WDR44: variants seen among roughly 807,000 people sequenced by gnomAD.
The protein encoded by WDR44 is WD repeat domain 44.
WDR44 carries 9 observed loss-of-function variants against 65.7 expected under a neutral mutation model. That is an observed-to-expected ratio of 0.14 (90% CI 0.08 to 0.24). The LOEUF (loss-of-function observed/expected upper bound fraction) is 0.24. WDR44 is among the 10% of genes least tolerant of loss of function. The pLI is 1.00. For missense variants in WDR44, 425 were observed against 670.9 expected, an observed-to-expected ratio of 0.63 and a Z score of 4.05; for synonymous variants, 220 against 235.2, an observed-to-expected ratio of 0.94 and a Z score of 0.59.
chrX:118,355,941 G>T (rs1197508249), intron 1 of WDR44, among the ~76,000 whole-genome samples: 1 of 111,886 alleles, frequency 8.9e-6, no homozygotes, highest in Non-Finnish European at 1.9e-5. Flanking sequence ...AATATTAAAT[G>T]TTAACAGTAA....
intron 1 of WDR44, among the ~76,000 whole-genome samples, chrX:118,362,797 T>C (rs990675780): frequency 6.5e-5 from 7 of 107,843 alleles, no homozygotes; most frequent in African/African-American, 2.4e-4. Context: ...GTAGAGTTGC[T>C]GGATAAAGTA....
At chrX:118,367,365 G>A (rs1168869089) in intron 1 of WDR44, among the ~76,000 whole-genome samples, 1 of 111,498 alleles carries the variant, frequency 9.0e-6, no homozygotes, top group African/African-American at 3.3e-5. Flanking sequence ...TTGTGTGTGT[G>A]TAGCTAAAAT....
At chrX:118,413,381 T>C (rs12841194) in intron 12 of WDR44, among the ~76,000 whole-genome samples, 14,629 of 111,861 alleles carry the variant, frequency 0.13, 792 homozygotes, top group Admixed American at 0.26. Flanking sequence ...TTATGGCCAT[T>C]CTTGCAGGAG....
At chrX:118,419,957 G>A (rs756325322) in intron 12 of WDR44, among the ~76,000 whole-genome samples, 5 of 111,168 alleles carry the variant, frequency 4.5e-5, no homozygotes, top group East Asian at 2.8e-4. Flanking sequence ...ACATCTACAC[G>A]TTACCTTTTT....
intron 14 of WDR44, among the ~76,000 whole-genome samples, chrX:118,440,053 G>A (rs2057290950): frequency 9.5e-6 from 1 of 104,718 alleles, no homozygotes; most frequent in Admixed American, 1.0e-4. Flanking sequence ...CCAGGAGGTC[G>A]AGGCTGCAGT....
rs769251340 is a variant in WDR44 at position 118,387,411 on chromosome X, A to G, written c.183A>G (p.Lys61=). The part of the protein sequence containing the change: ...PVQELKQDVS[K]KIIESIIEES... ...AAGAATTGAAACAAGATGTGTCTAA[A>G]AAGGTTGGAAAGATACAATGTCAAT... is the stretch of plus-strand genomic sequence containing the variant. Residue 61 remains lysine (K), a synonymous_variant, in exon 3 of 20, where the codon AAA becomes AAG. Coordinates refer to ENST00000254029, the MANE Select transcript of WDR44 (RefSeq NM_019045.5). 1 of 1,169,336 alleles carries G rather than the reference A, an allele frequency of 8.6e-7. No individual in the cohort carries two copies. Among genetic ancestry groups the G allele is most frequent in the East Asian group, 3.0e-5 (1 of 33,118 alleles).
rs190891208 is a variant in WDR44, at chrX:118,444,045, A to T, written c.2513-315A>T. Among the ~76,000 whole-genome samples the T allele has an allele frequency of 8.5e-3, 818 of 96,072 alleles. 10 individuals carry two copies. The highest frequency in any genetic ancestry group is 0.033 in the African/African-American group (780 of 23,884). 83.4% of individuals were successfully genotyped at this position (96,072 alleles called of 115,157 possible). A position where few individuals can be genotyped will look rare whatever the true frequency, so the allele number is the denominator to read the frequency against. The stretch of plus-strand genomic sequence containing the variant: ...TGGGCAATAGAGTGAGATTCCGTCT[A>T]AAAAAAAGACAAAAAAAAAGAAGAA... On this transcript the variant is annotated intron_variant, in intron 18 of 19. Coordinates refer to ENST00000254029, the MANE Select transcript of WDR44 (RefSeq NM_019045.5).
At chrX:118,378,824 A>G (rs1314337597) in intron 2 of WDR44, among the ~76,000 whole-genome samples, 1 of 105,214 alleles carries the variant, frequency 9.5e-6, no homozygotes, top group Non-Finnish European at 1.9e-5. Context: ...AGTTGAGGTC[A>G]GGAGTTTGAC....
intron 3 of WDR44, among the ~76,000 whole-genome samples, chrX:118,391,878 C>G (rs2056823750): frequency 9.0e-6 from 1 of 111,315 alleles, no homozygotes; most frequent in South Asian, 3.8e-4. Flanking sequence ...TTTAGGGAGG[C>G]TGAGGCAGGA....
intron 1 of WDR44, among the ~76,000 whole-genome samples, chrX:118,367,447 G>C (rs1327824751): frequency 9.0e-6 from 1 of 111,379 alleles, no homozygotes; most frequent in Admixed American, 9.6e-5. Flanking sequence ...CTTTCCCTGA[G>C]AAATTTGTGG....
At chrX:118,382,804 C>A (rs1050968191) in intron 2 of WDR44, among the ~76,000 whole-genome samples, 4 of 111,971 alleles carry the variant, frequency 3.6e-5, no homozygotes, top group African/African-American at 1.3e-4. Flanking sequence ...TTTAAGGAAG[C>A]AAATTTTTGA....
intron 1 of WDR44, among the ~76,000 whole-genome samples, chrX:118,363,743 A>G (rs970079387): frequency 2.7e-5 from 3 of 112,339 alleles, no homozygotes; most frequent in Non-Finnish European, 5.6e-5. Context: ...AAATTAGCCT[A>G]TGTGCAAAAT....
intron 1 of WDR44, among the ~76,000 whole-genome samples, chrX:118,352,318 T>TTATATATATATATATATATATATATATA (rs1234642278): frequency 5.9e-5 from 1 of 16,870 alleles, no homozygotes; most frequent in Admixed American, 1.2e-3. Context: ...CCCAGCTAAT[T>TTATATATATATATATATATATATATATA]TATATATATA....
At chrX:118,393,351 G>C in intron 4 of WDR44, 80 bp downstream of exon 4, 9 of 1,061,041 alleles carry the variant, frequency 8.5e-6, no homozygotes, top group Non-Finnish European at 1.0e-5. Context: ...GGGAGGCCAA[G>C]GCGGGCGGAT....
intron 1 of WDR44, among the ~76,000 whole-genome samples, chrX:118,347,365 G>C (rs1330534250): frequency 5.4e-5 from 6 of 111,835 alleles, no homozygotes; most frequent in Non-Finnish European, 1.1e-4. Flanking sequence ...TTTTAGTGGT[G>C]ATTAATATGG....
chrX:118,446,934 A>G (rs1419072234), intron 19 of WDR44: 1 of 226,157 alleles, frequency 4.4e-6, no homozygotes, highest in Non-Finnish European at 8.4e-6. Context: ...CAGTGGTACA[A>G]TCATAGCTCA....
chrX:118,397,136 C>A (rs5956969), intron 7 of WDR44, 30 bp downstream of exon 7: 297,339 of 1,112,527 alleles, frequency 0.27, 39,463 homozygotes, highest in African/African-American at 0.87. Flanking sequence ...TTTGTCATTT[C>A]TAGTATTTCA....
intron 1 of WDR44, among the ~76,000 whole-genome samples, chrX:118,364,168 G>T (rs779747708): frequency 5.8e-4 from 65 of 112,419 alleles, no homozygotes; most frequent in Admixed American, 2.6e-3. Context: ...CTAACTCCTC[G>T]TTTGTAAAAA....
chrX:118,400,068 A>G, intron 8 of WDR44, among the ~76,000 whole-genome samples: 1 of 107,989 alleles, frequency 9.3e-6, no homozygotes. Flanking sequence ...GGCCTGGGTG[A>G]CAGAGCAAGA....
Sources: gnomAD v4.1 joint callset for allele counts (sites outside exome capture counted in the v4.1 genomes callset) on GRCh38, gnomAD v4.1.1 for gene constraint, MANE v1.5 for transcripts, NCBI Gene and HGNC (gene_info 2026-07-23, HGNC 2026-07-21) for gene names.